The following XRCC4 variants were observed in gnomAD, a reference collection of about 807,000 sequenced individuals.
XRCC4 encodes DNA repair protein XRCC4.
Under a neutral mutation model 39.1 loss-of-function variants are expected in XRCC4, and 28 were observed. The ratio of observed to expected loss-of-function variants is 0.72; its 90% CI spans 0.53 to 0.98. The LOEUF (loss-of-function observed/expected upper bound fraction) is 0.98, where lower values mean the gene tolerates loss of function less well. Ranked by LOEUF, XRCC4 falls within the 50% of genes least tolerant of loss-of-function variation. The pLI, the probability that XRCC4 is intolerant of heterozygous loss-of-function variation, is 0.00. For synonymous variants in XRCC4, 123 were observed against 126.4 expected (o/e 0.97, Z 0.18); for missense variants, 350 against 376.4 (o/e 0.93, Z 0.58).
At chr5:83,349,614 T>G (rs1350961258) in intron 7 of XRCC4, among the ~76,000 whole-genome samples, 2 of 152,200 alleles carry the variant, frequency 1.3e-5, no homozygotes, top group African/African-American at 4.8e-5. Flanking sequence ...AGGAATCTAT[T>G]TATCCTTCAG....
At chr5:83,237,952 G>A (rs1259746759) in intron 6 of XRCC4, among the ~76,000 whole-genome samples, 1 of 151,974 alleles carries the variant, frequency 6.6e-6, no homozygotes, top group Non-Finnish European at 1.5e-5. Context: ...TATGGTGATA[G>A]TATTCATTCC....
At chr5:83,091,256 G>A (rs1745411928) in intron 1 of XRCC4, among the ~76,000 whole-genome samples, 1 of 152,096 alleles carries the variant, frequency 6.6e-6, no homozygotes, top group South Asian at 2.1e-4. Flanking sequence ...GAGGCCTCAG[G>A]AAACTTACAA....
At chr5:83,297,774 T>C (rs1474184183) in intron 7 of XRCC4, among the ~76,000 whole-genome samples, 1 of 151,950 alleles carries the variant, frequency 6.6e-6, no homozygotes, top group Non-Finnish European at 1.5e-5. Flanking sequence ...TATGTGAAGA[T>C]ATGTCTTTTC....
chr5:83,374,109 A>G, the XRCC4 span, among the ~76,000 whole-genome samples: 3 of 152,194 alleles, frequency 2.0e-5, no homozygotes, highest in Admixed American at 6.5e-5. Flanking sequence ...ATCACCCAGC[A>G]TCCTGTAAGA....
At chr5:83,374,008 C>T in the XRCC4 span, among the ~76,000 whole-genome samples, 2 of 152,108 alleles carry the variant, frequency 1.3e-5, no homozygotes, top group African/African-American at 2.4e-5. Context: ...TTTGCGAGGA[C>T]CTGCCCTATC....
chr5:83,132,169 G>T (rs1747626041), intron 3 of XRCC4, among the ~76,000 whole-genome samples: 1 of 152,006 alleles, frequency 6.6e-6, no homozygotes, highest in Non-Finnish European at 1.5e-5. Context: ...TGAAATTCTG[G>T]GTTGAAAATT....
At chr5:83,133,751 G>C (rs1412947012) in intron 3 of XRCC4, among the ~76,000 whole-genome samples, 1 of 152,100 alleles carries the variant, frequency 6.6e-6, no homozygotes, top group Non-Finnish European at 1.5e-5. Context: ...CGCAGTACTA[G>C]GGTGGGAGTG....
intron 7 of XRCC4, among the ~76,000 whole-genome samples, chr5:83,342,213 G>A (rs1756783132): frequency 1.3e-5 from 2 of 152,162 alleles, no homozygotes; most frequent in South Asian, 4.1e-4. Flanking sequence ...TACAGCTAGA[G>A]TAACAAAATC....
intron 6 of XRCC4, among the ~76,000 whole-genome samples, chr5:83,211,257 A>G (rs922914952): frequency 6.6e-6 from 1 of 152,202 alleles, no homozygotes; most frequent in Non-Finnish European, 1.5e-5. Flanking sequence ...TTTGGTCAGT[A>G]TGAAAGTTAT....
intron 2 of XRCC4, among the ~76,000 whole-genome samples, chr5:83,109,101 A>G (rs866832662): frequency 2.0e-5 from 3 of 151,852 alleles, no homozygotes; most frequent in Non-Finnish European, 4.4e-5. Flanking sequence ...GTACCTTGCA[A>G]GACTCCCTTT....
Position 83,237,208 on chromosome 5 carries a change from G to T in XRCC4, c.746-21322G>T, listed in dbSNP as rs377041368. 5.3e-5 allele frequency among the ~76,000 whole-genome samples: 8 copies of T among 151,702 alleles called. No homozygotes were observed. In the East Asian group the frequency reaches 1.5e-3, roughly 29 times the overall value. ...TTGGAATCCAGCAAGCCCACTGCTG[G>T]GTATATACCTAAAAGAAAATAAATC... is the stretch of plus-strand genomic sequence containing the variant. On this transcript the variant is annotated intron_variant, in intron 6 of 7. Transcript: ENST00000396027.
In XRCC4 at chr5:83,213,594, C is replaced by G. The variant is rs75990028; in HGVS notation, c.745+8673C>G. On this transcript the variant is annotated intron_variant, in intron 6 of 7. Transcript: ENST00000396027. The stretch of plus-strand genomic sequence containing the variant: ...ATTTAAGATATTTCCACAAAGAAAA[C>G]CCTGGGCCCAGATGACTTCACTGGT... Among the ~76,000 whole-genome samples the G allele has an allele frequency of 1.5e-4, 23 of 152,028 alleles. No individual in the cohort carries two copies. In the East Asian group the frequency reaches 4.4e-3, roughly 29 times the overall value.
intron 6 of XRCC4, among the ~76,000 whole-genome samples, chr5:83,229,543 G>A (rs1752417143): frequency 6.6e-6 from 1 of 150,462 alleles, no homozygotes; most frequent in African/African-American, 2.4e-5. Flanking sequence ...ATTTTGGGGG[G>A]AAAAAAAGGT....
At chr5:83,301,639 A>T (rs1252578529) in intron 7 of XRCC4, among the ~76,000 whole-genome samples, 3 of 152,120 alleles carry the variant, frequency 2.0e-5, no homozygotes, top group African/African-American at 7.2e-5. Flanking sequence ...TTAGTCATGA[A>T]GTCTTTGCCC....
intron 3 of XRCC4, among the ~76,000 whole-genome samples, chr5:83,111,591 A>G (rs1164222345): frequency 6.6e-6 from 1 of 152,082 alleles, no homozygotes; most frequent in Non-Finnish European, 1.5e-5. Context: ...CTTTGAATAT[A>G]GAATAATTAT....
At chr5:83,305,897 T>C (rs1469759178) in intron 7 of XRCC4, among the ~76,000 whole-genome samples, 1 of 152,210 alleles carries the variant, frequency 6.6e-6, no homozygotes, top group Admixed American at 6.5e-5. Context: ...CATGGAATTT[T>C]AGAATAATCT....
intron 3 of XRCC4, among the ~76,000 whole-genome samples, chr5:83,144,782 T>A (rs927336829): frequency 3.9e-5 from 6 of 152,112 alleles, no homozygotes; most frequent in African/African-American, 9.7e-5. Flanking sequence ...TTCATCTCAA[T>A]CTAGTGATTT....
intron 6 of XRCC4, among the ~76,000 whole-genome samples, chr5:83,241,470 T>C (rs1752906979): frequency 6.6e-6 from 1 of 152,192 alleles, no homozygotes; most frequent in African/African-American, 2.4e-5. Flanking sequence ...ACTTCCCTAC[T>C]CTCAGTTCAC....
chr5:83,162,814 C>G lies in XRCC4; in HGVS notation c.316-32956C>G, dbSNP rs1054292993. 2.0e-5 allele frequency among the ~76,000 whole-genome samples: 3 copies of G among 152,154 alleles called. No homozygotes were observed. In the South Asian group the frequency reaches 6.2e-4, roughly 31 times the overall value. ...CCCTAGTGGTCACCATGTCAGCCAT[C>G]ATGTGGTGGACATCTGTGACTGTTG... On this transcript the variant is annotated intron_variant, in intron 3 of 7. Transcript: ENST00000396027.
Sources: gnomAD v4.1 joint callset for allele counts (sites outside exome capture counted in the v4.1 genomes callset) on GRCh38, gnomAD v4.1.1 for gene constraint, MANE v1.5 for transcripts, NCBI Gene and HGNC (gene_info 2026-07-23, HGNC 2026-07-21) for gene names.